EFCAB6: variants seen among roughly 807,000 people sequenced by gnomAD.
The protein encoded by EFCAB6 is EF-hand calcium binding domain 6, also known as EF-hand calcium-binding domain-containing protein 6.
In EFCAB6, 156 loss-of-function variants were observed where a neutral mutation model predicts 169.8. That is an observed-to-expected ratio of 0.92 (90% CI 0.81 to 1.05). The LOEUF (loss-of-function observed/expected upper bound fraction) is 1.05. Among genes scored for constraint, EFCAB6 ranks in the 50% least tolerant of loss-of-function variants. The pLI is 0.00. For missense variants in EFCAB6, 1,800 were observed against 1,829.1 expected (o/e 0.98, Z 0.29); for synonymous variants, 698 against 676.4 (o/e 1.03, Z -0.50).
chr22:43,567,421 CAT>C (rs1173286117), intron 26 of EFCAB6, among the ~76,000 whole-genome samples: 1 of 152,148 alleles, frequency 6.6e-6, no homozygotes, highest in African/African-American at 2.4e-5. Flanking sequence ...TTAATCACAT[CAT>C]TACTGAACAT....
intron 3 of EFCAB6, among the ~76,000 whole-genome samples, chr22:43,779,144 C>T (rs1391716976): frequency 9.9e-5 from 15 of 152,016 alleles, no homozygotes; most frequent in Admixed American, 7.9e-4. Flanking sequence ...ATTAAAAATA[C>T]AATATCAGAA....
At chr22:43,615,714 C>G (rs766267287) in intron 21 of EFCAB6, 112 bp downstream of exon 21, 3 of 848,030 alleles carry the variant, frequency 3.5e-6, no homozygotes, top group Non-Finnish European at 3.6e-6. Context: ...ACTGGGTACA[C>G]AGAGTTGTTT....
At chr22:43,766,221 T>G (rs1403154672) in intron 4 of EFCAB6, among the ~76,000 whole-genome samples, 3 of 152,156 alleles carry the variant, frequency 2.0e-5, no homozygotes, top group Non-Finnish European at 4.4e-5. Context: ...TTAATAGAGA[T>G]GGGGTTTCCC....
intron 26 of EFCAB6, among the ~76,000 whole-genome samples, chr22:43,575,687 GA>G (rs199616366): frequency 1.4e-4 from 21 of 149,550 alleles, no homozygotes; most frequent in South Asian, 1.1e-3. Flanking sequence ...TGGCAAAGAT[GA>G]AAAAAAAAAT....
chr22:43,534,867 C>T lies in EFCAB6; in HGVS notation c.4054G>A (p.Val1352Met). The T allele has an allele frequency of 1.3e-6, 2 of 1,597,680 alleles. No individual in the cohort carries two copies. Among genetic ancestry groups the T allele is most frequent in the Middle Eastern group, 1.7e-4 (1 of 6,010 alleles). The change falls in exon 30 of 32, where the codon GTG becomes ATG. Residue 1352 changes from valine to methionine, a missense_variant. Physicochemically the swap from Val to Met is conservative, Grantham distance 21. Transcript: ENST00000262726. ...DINASDFLAL[V>M]EKFNLDISKE... ...CTTATGTCCAGGTTGAATTTCTCCA[C>T]AAGAGCTACAGAAAAAAATGGCAGT...
chr22:43,692,319 C>T (rs2058439632), intron 10 of EFCAB6, among the ~76,000 whole-genome samples: 1 of 152,146 alleles, frequency 6.6e-6, no homozygotes, highest in South Asian at 2.1e-4. Context: ...CACAATTTAA[C>T]ATTCCAAATG....
At chr22:43,569,974 C>T (rs933444371) in intron 26 of EFCAB6, 3 of 152,202 alleles carry the variant, frequency 2.0e-5, no homozygotes, top group South Asian at 2.1e-4. Flanking sequence ...ATTGAAAATA[C>T]GTAGACACCA....
intron 27 of EFCAB6, among the ~76,000 whole-genome samples, chr22:43,544,833 A>G (rs2147104153): frequency 6.6e-6 from 1 of 152,214 alleles, no homozygotes; most frequent in South Asian, 2.1e-4. Context: ...GATAAAAAAG[A>G]TATTCAGTGC....
chr22:43,587,756 A>C (rs67811221), intron 24 of EFCAB6, among the ~76,000 whole-genome samples: 5,934 of 152,322 alleles, frequency 0.039, 126 homozygotes, highest in African/African-American at 0.051. Flanking sequence ...AGATTCCAGG[A>C]ATCAGGAACT....
intron 31 of EFCAB6, among the ~76,000 whole-genome samples, chr22:43,529,871 T>A (rs1234274832): frequency 6.6e-6 from 1 of 152,244 alleles, no homozygotes; most frequent in East Asian, 1.9e-4. Flanking sequence ...CCCCATTATG[T>A]GAAGCTGAAA....
At chr22:43,674,793 A>G (rs559365177) in intron 13 of EFCAB6, among the ~76,000 whole-genome samples, 2 of 152,172 alleles carry the variant, frequency 1.3e-5, no homozygotes, top group Non-Finnish European at 2.9e-5. Flanking sequence ...AGGTAAAGAA[A>G]TGAGTCTTAG....
intron 24 of EFCAB6, among the ~76,000 whole-genome samples, chr22:43,582,540 TC>T (rs1441876846): frequency 6.6e-6 from 1 of 152,230 alleles, no homozygotes; most frequent in African/African-American, 2.4e-5. Context: ...TTACTTCCTG[TC>T]CACCCATTCT....
intron 17 of EFCAB6, among the ~76,000 whole-genome samples, chr22:43,661,335 C>T (rs1345396327): frequency 6.6e-6 from 1 of 152,098 alleles, no homozygotes; most frequent in East Asian, 1.9e-4. Context: ...CATGATCGCA[C>T]CATTGCACTC....
chr22:43,600,303 C>T (rs1332323303), intron 22 of EFCAB6, 40 bp from the exon 23 acceptor site: 2 of 1,597,098 alleles, frequency 1.3e-6, no homozygotes, highest in South Asian at 1.1e-5. Flanking sequence ...TTCTCAGTAG[C>T]CAGTAAGGTG....
chr22:43,607,124 C>G (rs2052978240), intron 22 of EFCAB6, among the ~76,000 whole-genome samples: 1 of 152,304 alleles, frequency 6.6e-6, no homozygotes, highest in Middle Eastern at 3.4e-3. Flanking sequence ...CACCAGAAAG[C>G]TAGGACCTGG....
chr22:43,706,794 A>G lies in EFCAB6; in HGVS notation c.1031+4681T>C, dbSNP rs73434237. ...TATTTAGCCCCCAAAGGTTCATCTCAGTTGTTTACTATAAAAGGCATTGCT... is the reference window on the plus strand; with the variant it reads ...TATTTAGCCCCCAAAGGTTCATCTCGGTTGTTTACTATAAAAGGCATTGCT... On this transcript the variant is annotated intron_variant, in intron 10 of 31. Coordinates refer to ENST00000262726, the MANE Select transcript of EFCAB6 (RefSeq NM_022785.4). Among the ~76,000 whole-genome samples the G allele has an allele frequency of 7.7e-3, 1,177 of 152,294 alleles. 20 individuals carry two copies. The highest frequency in any genetic ancestry group is 0.027 in the African/African-American group (1,131 of 41,564).
intron 27 of EFCAB6, among the ~76,000 whole-genome samples, chr22:43,541,410 A>C (rs563878884): frequency 1.1e-3 from 164 of 152,262 alleles, no homozygotes; most frequent in African/African-American, 3.9e-3. Flanking sequence ...ATAACTATAG[A>C]CTTGCAGGAG....
intron 10 of EFCAB6, among the ~76,000 whole-genome samples, chr22:43,698,707 A>G (rs1371080053): frequency 6.6e-6 from 1 of 152,180 alleles, no homozygotes; most frequent in Non-Finnish European, 1.5e-5. Context: ...GTGGCCCAAT[A>G]AAGAGAACCC....
chr22:43,629,864 G>T (rs1054109662), intron 19 of EFCAB6, among the ~76,000 whole-genome samples: 2 of 152,150 alleles, frequency 1.3e-5, no homozygotes, highest in African/African-American at 4.8e-5. Flanking sequence ...TGGGCACTCC[G>T]GTCAGAGATG....
Sources: allele counts gnomAD v4.1 joint callset (sites outside exome capture counted in the v4.1 genomes callset), GRCh38; gene constraint gnomAD v4.1.1; transcripts MANE v1.5; gene names NCBI Gene and HGNC (gene_info 2026-07-23, HGNC 2026-07-21).